The following NRXN3 variants were observed in gnomAD, a reference collection of about 807,000 sequenced individuals.
The protein encoded by NRXN3 is neurexin 3.
Under a neutral mutation model 137.6 loss-of-function variants are expected in NRXN3, and 32 were observed. The ratio of observed to expected loss-of-function variants is 0.23; its 90% CI spans 0.18 to 0.31. NRXN3 has a LOEUF of 0.31. Among genes scored for constraint, NRXN3 ranks in the 10% least tolerant of loss-of-function variants. The probability of loss-of-function intolerance (pLI) is 1.00; values close to 1 mark genes in which losing one functional copy is unlikely to be tolerated. For synonymous variants in NRXN3, 798 were observed against 784.5 expected (o/e 1.02, Z -0.29); for missense variants, 1,574 against 2,062.5 (o/e 0.76, Z 4.59).
chr14:79,677,201 T>C (rs2098645453), intron 17 of NRXN3, among the ~76,000 whole-genome samples: 2 of 152,130 alleles, frequency 1.3e-5, no homozygotes, highest in South Asian at 4.1e-4. Context: ...GATGACTCTT[T>C]ATTGGTCTCA....
chr14:78,298,795 G>A (rs575004575), intron 4 of NRXN3, among the ~76,000 whole-genome samples: 3 of 152,294 alleles, frequency 2.0e-5, no homozygotes, highest in African/African-American at 7.2e-5. Context: ...ATGGGACTCA[G>A]CACCTCTTCT....
intron 3 of NRXN3, among the ~76,000 whole-genome samples, chr14:78,297,452 T>C (rs1168843222): frequency 6.6e-6 from 1 of 152,210 alleles, no homozygotes; most frequent in Non-Finnish European, 1.5e-5. Context: ...AAACCTACTT[T>C]ACCTGGCGTC....
intron 15 of NRXN3, among the ~76,000 whole-genome samples, chr14:79,404,215 G>A (rs557786932): frequency 2.0e-5 from 3 of 152,298 alleles, no homozygotes; most frequent in South Asian, 4.1e-4. Flanking sequence ...TCCAACAAAC[G>A]TCTAACACCC....
chr14:78,918,257 C>T (rs180801919), intron 10 of NRXN3, among the ~76,000 whole-genome samples: 27 of 115,764 alleles, frequency 2.3e-4, no homozygotes, highest in African/African-American at 8.8e-4. Flanking sequence ...TGCACTCCAG[C>T]GTGGGCAACA....
At chr14:78,179,497 G>A (rs1224993531) in intron 1 of NRXN3, among the ~76,000 whole-genome samples, 4 of 152,184 alleles carry the variant, frequency 2.6e-5, no homozygotes, top group African/African-American at 9.7e-5. Flanking sequence ...GCTAAATGGA[G>A]TGTGGCAAAT....
At chr14:79,780,693 G>A (rs1417984248) in intron 19 of NRXN3, among the ~76,000 whole-genome samples, 1 of 152,144 alleles carries the variant, frequency 6.6e-6, no homozygotes, top group African/African-American at 2.4e-5. Flanking sequence ...AAGATGAAAA[G>A]TTCCATAAAA....
At chr14:79,577,243 T>C (rs1339845511) in intron 16 of NRXN3, among the ~76,000 whole-genome samples, 2 of 152,198 alleles carry the variant, frequency 1.3e-5, no homozygotes, top group Non-Finnish European at 2.9e-5. Context: ...CGGTCTCAGA[T>C]ATGTCTTTAT....
At chr14:79,446,646 T>C (rs933163079) in intron 15 of NRXN3, among the ~76,000 whole-genome samples, 1 of 152,004 alleles carries the variant, frequency 6.6e-6, no homozygotes, top group Non-Finnish European at 1.5e-5. Flanking sequence ...TGTCTTCTCT[T>C]TTCTCCTTTC....
intron 1 of NRXN3, among the ~76,000 whole-genome samples, chr14:78,186,166 T>C (rs2060212104): frequency 6.6e-6 from 1 of 152,148 alleles, no homozygotes. Context: ...ATCTTGGCAT[T>C]GGGCAGGAAG....
rs1376748805 is a variant in NRXN3, at chr14:79,365,261, A to AGAAAATGGACAGTAGGG, written c.3263-101959_3263-101943dup. 2.6e-5 allele frequency among the ~76,000 whole-genome samples: 4 copies of AGAAAATGGACAGTAGGG among 152,318 alleles called. No individual in the cohort carries two copies. The East Asian group carries it at 7.7e-4, about 29-fold the overall frequency. Reference sequence around the variant, plus strand: ...AGTGACACCACTGCAGACCGAGAGCAGAAAATGGACAGTAGGGAAAAATGC... The same window carrying AGAAAATGGACAGTAGGG: ...AGTGACACCACTGCAGACCGAGAGCAGAAAATGGACAGTAGGGGAAAATGGACAGTAGGGAAAAATGC... On this transcript the variant is annotated intron_variant, in intron 15 of 20. Transcript: ENST00000335750.
chr14:79,591,539 T>A lies in NRXN3; in HGVS notation c.3445-72239T>A, dbSNP rs529741883. Reference sequence around the variant, plus strand: ...GCAAAGAAAAAGTCAAAAAGAAAACTCTTCCACAGATTTTCAGAGAGATGA... The same window carrying A: ...GCAAAGAAAAAGTCAAAAAGAAAACACTTCCACAGATTTTCAGAGAGATGA... On this transcript the variant is annotated intron_variant, in intron 16 of 20. Transcript: ENST00000335750. Among the ~76,000 whole-genome samples the A allele has an allele frequency of 9.8e-5, 15 of 152,316 alleles. 1 individual carries two copies. The South Asian group carries it at 2.9e-3, about 29-fold the overall frequency.
At chr14:79,716,796 CT>C (rs2098825130) in intron 19 of NRXN3, among the ~76,000 whole-genome samples, 1 of 152,176 alleles carries the variant, frequency 6.6e-6, no homozygotes. Flanking sequence ...GATTACAAAA[CT>C]TTCATGCCTA....
At chr14:78,697,512 G>T (rs1481215047) in intron 6 of NRXN3, among the ~76,000 whole-genome samples, 1 of 151,898 alleles carries the variant, frequency 6.6e-6, no homozygotes, top group Non-Finnish European at 1.5e-5. Context: ...TGTGTAACTG[G>T]TAGTGAAATT....
At position 78,498,355 on chromosome 14, in the gene NRXN3, G is replaced by A. The variant is rs572049928; in HGVS notation, c.758-146765G>A. Among the ~76,000 whole-genome samples the A allele has an allele frequency of 4.0e-4, 61 of 152,274 alleles. 1 individual carries two copies. Among genetic ancestry groups the A allele is most frequent in the African/African-American group, 1.4e-3 (59 of 41,566 alleles). On this transcript the variant is annotated intron_variant, in intron 4 of 20. Transcript: ENST00000335750. ...TTACTGGGACTGGCTCTTTTGTTCT[G>A]TGGTTTGTATTTCTGCCTTTGTGCG...
At chr14:78,728,200 C>T (rs535635135) in intron 8 of NRXN3, among the ~76,000 whole-genome samples, 9 of 152,270 alleles carry the variant, frequency 5.9e-5, no homozygotes, top group African/African-American at 1.9e-4. Flanking sequence ...CTGTGTGGGT[C>T]AGAAGATTTC....
chr14:79,366,437 A>G (rs1013787838), intron 15 of NRXN3, among the ~76,000 whole-genome samples: 3 of 152,116 alleles, frequency 2.0e-5, no homozygotes, highest in African/African-American at 7.2e-5. Flanking sequence ...TGCACCCGCT[A>G]ACTGTCTCTA....
In NRXN3 at chr14:79,260,235, A is replaced by C. The variant is rs902082703; in HGVS notation, c.3263-206986A>C. On this transcript the variant is annotated intron_variant, in intron 15 of 20. Transcript: ENST00000335750. The stretch of plus-strand genomic sequence containing the variant: ...TAAAACATATCCATATCTATAAATT[A>C]TATTTTATAAGACTCACATATCCAT... Among the ~76,000 whole-genome samples the C allele has an allele frequency of 1.4e-4, 22 of 152,210 alleles. 1 individual carries two copies. Among genetic ancestry groups the C allele is most frequent in the South Asian group, 4.1e-4 (2 of 4,834 alleles).
intron 4 of NRXN3, among the ~76,000 whole-genome samples, chr14:78,467,576 A>C (rs1380465746): frequency 6.6e-6 from 1 of 152,150 alleles, no homozygotes; most frequent in African/African-American, 2.4e-5. Flanking sequence ...TCTCTACTCC[A>C]ACTTATTGTT....
intron 4 of NRXN3, among the ~76,000 whole-genome samples, chr14:78,581,422 T>C (rs1356468438): frequency 6.6e-6 from 1 of 152,204 alleles, no homozygotes; most frequent in Non-Finnish European, 1.5e-5. Context: ...GGAGGCATAC[T>C]GTGTCCTCAC....
Sources: gnomAD v4.1 joint callset for allele counts (sites outside exome capture counted in the v4.1 genomes callset) on GRCh38, gnomAD v4.1.1 for gene constraint, MANE v1.5 for transcripts, NCBI Gene and HGNC (gene_info 2026-07-23, HGNC 2026-07-21) for gene names.